The following PRDX3 variants were observed in gnomAD, a reference collection of about 807,000 sequenced individuals.
PRDX3 encodes peroxiredoxin 3, also known as thioredoxin-dependent peroxide reductase, mitochondrial.
Under a neutral mutation model 30.4 loss-of-function variants are expected in PRDX3, and 20 were observed. The observed-to-expected ratio is 0.66, with a 90% CI of 0.46 to 0.96. The LOEUF (loss-of-function observed/expected upper bound fraction) is 0.96. Ranked by LOEUF, PRDX3 falls within the 40% of genes least tolerant of loss-of-function variation. The pLI, the probability that PRDX3 is intolerant of heterozygous loss-of-function variation, is 0.00. For synonymous variants in PRDX3, 124 were observed against 117.8 expected, an observed-to-expected ratio of 1.05 and a Z score of -0.34; for missense variants, 322 against 318.3, an observed-to-expected ratio of 1.01 and a Z score of -0.09.
chr10:119,172,386 G>A lies in PRDX3; in HGVS notation c.547C>T (p.Leu183=). 1 of 1,606,688 alleles carries A rather than the reference G, an allele frequency of 6.2e-7. No homozygotes were observed. Among genetic ancestry groups the A allele is most frequent in the Admixed American group, 1.7e-5 (1 of 60,008 alleles). ...TCATCAGAAACAGGATCTTACCTTA[G>A]TGCAAGACCAGAACCTTCTAACAGC... The part of the protein sequence containing the change: ...GVLLEGSGLA[L]RGLFIIDPNG... Residue 183 remains leucine (L), a synonymous_variant, in exon 5 of 7, where the codon CTA becomes TTA. Transcript: ENST00000298510.
chr10:119,175,339 G>A (rs1848001463), intron 2 of PRDX3, among the ~76,000 whole-genome samples: 1 of 152,206 alleles, frequency 6.6e-6, no homozygotes, highest in South Asian at 2.1e-4. Flanking sequence ...GGCAGGAATG[G>A]TTGAAGGCCA....
Position 119,174,468 on chromosome 10 carries a change from G to A in PRDX3, c.294C>T (p.Phe98=), listed in dbSNP as rs368069475. The part of the protein sequence containing the change: ...DDFKGKYLVL[F]FYPLDFTFVC... Reference sequence around the variant, plus strand: ...ACACTTACAAATCCAAAGGATAGAAGAAAAGCACCAAATATTTCCCCTTAA... The same window carrying A: ...ACACTTACAAATCCAAAGGATAGAAAAAAAGCACCAAATATTTCCCCTTAA... The change falls in exon 3 of 7, where the codon TTC becomes TTT. Residue 98 remains phenylalanine, a synonymous_variant. Coordinates refer to ENST00000298510, the MANE Select transcript of PRDX3 (RefSeq NM_006793.5). 1 of 1,604,240 alleles carries A rather than the reference G, an allele frequency of 6.2e-7. No individual in the cohort carries two copies. The highest frequency in any genetic ancestry group is 8.5e-7 in the Non-Finnish European group (1 of 1,177,496).
intron 2 of PRDX3, 94 bp downstream of exon 2, chr10:119,176,925 ACT>A (rs1485756915): frequency 6.8e-7 from 1 of 1,480,330 alleles, no homozygotes; most frequent in African/African-American, 1.4e-5. Context: ...CTCCCAGGTG[ACT>A]CTAACGTTTG....
intron 3 of PRDX3, 31 bp from the exon 4 acceptor site, chr10:119,173,903 A>T (rs760454718): frequency 6.3e-7 from 1 of 1,583,490 alleles, no homozygotes; most frequent in Admixed American, 1.8e-5. Context: ...TTCTCATTAG[A>T]GCATTTAAAA....
In PRDX3 at chr10:119,168,324, C is replaced by A; in HGVS notation, c.*156G>T. On this transcript the variant is annotated 3_prime_UTR_variant, in exon 7 of 7. Transcript: ENST00000298510. ...ACTAACCATGTTTAAAAGGTCTTAG[C>A]CAGAATTACAAAAACAAAACATTTA... The A allele has an allele frequency of 4.2e-6, 6 of 1,437,952 alleles. No individual in the cohort carries two copies. The highest frequency in any genetic ancestry group is 2.7e-5 in the South Asian group (2 of 73,004). The allele number at this position is 1,437,952 out of a possible 1,614,324, so 89.1% of individuals were successfully genotyped here. A position where few individuals can be genotyped will look rare whatever the true frequency, so the allele number is the denominator to read the frequency against.
Position 119,172,389 on chromosome 10 carries a change from C to A in PRDX3, c.544G>T (p.Ala182Ser), listed in dbSNP as rs773276428. 4 of 1,609,806 alleles carry A rather than the reference C, an allele frequency of 2.5e-6. No individual in the cohort carries two copies. The highest frequency in any genetic ancestry group is 3.3e-5 in the Admixed American group (2 of 60,018). ...YGVLLEGSGLALRGLFIIDPN... is the reference protein window; with the variant it reads ...YGVLLEGSGLSLRGLFIIDPN... ...TCAGAAACAGGATCTTACCTTAGTG[C>A]AAGACCAGAACCTTCTAACAGCACA... The change falls in exon 5 of 7, where the codon GCA (alanine) becomes TCA (serine). Residue 182 changes from alanine (A) to serine (S), a missense_variant. By Grantham distance (99) the Ala-to-Ser change is moderately conservative. Transcript: ENST00000298510.
rs753794339 is a variant in PRDX3 at position 119,169,266 on chromosome 10, C to G, written c.628G>C (p.Glu210Gln). Residue 210 changes from glutamate to glutamine, a missense_variant, in exon 6 of 7, where the codon GAA (glutamate) becomes CAA (glutamine). Coordinates refer to ENST00000298510, the MANE Select transcript of PRDX3 (RefSeq NM_006793.5). ...GCCTTCACCAAGCGGAGGGTTTCTTCCACGCTTCGGCCCACTGGGAGATCG... is the reference window on the plus strand; with the variant it reads ...GCCTTCACCAAGCGGAGGGTTTCTTGCACGCTTCGGCCCACTGGGAGATCG... ...VNDLPVGRSV[E>Q]ETLRLVKAFQ... 4 of 1,613,888 alleles carry G rather than the reference C, an allele frequency of 2.5e-6. No homozygotes were observed. Among genetic ancestry groups the G allele is most frequent in the African/African-American group, 1.3e-5 (1 of 74,906 alleles).
chr10:119,169,315 T>G lies in PRDX3; in HGVS notation c.579A>C (p.Gly193=). 6.2e-7 allele frequency: 1 copy of G among 1,614,010 alleles called. No individual in the cohort carries two copies. Among genetic ancestry groups the G allele is most frequent in the Non-Finnish European group, 8.5e-7 (1 of 1,179,950 alleles). Residue 193 remains glycine (G), a synonymous_variant, in exon 6 of 7, where the codon GGA becomes GGC. Transcript: ENST00000298510. The stretch of plus-strand genomic sequence containing the variant: ...CGTTGACGCTCAAATGCTTGATGAC[T>G]CCATTGGGGTCAATTATGAAGAGAC... ...LRGLFIIDPN[G]VIKHLSVNDL... is the part of the protein sequence containing the mutation.
At position 119,172,373 on chromosome 10, in the gene PRDX3, G is replaced by C. The variant is rs762027087; in HGVS notation, c.551+9C>G. 6.3e-7 allele frequency: 1 copy of C among 1,584,470 alleles called. No homozygotes were observed. Among genetic ancestry groups the C allele is most frequent in the Non-Finnish European group, 8.7e-7 (1 of 1,152,938 alleles). On this transcript the variant is annotated intron_variant, in intron 5 of 6. Coordinates refer to ENST00000298510, the MANE Select transcript of PRDX3 (RefSeq NM_006793.5). ...AATAATCTTAAGTTCATCAGAAACAGGATCTTACCTTAGTGCAAGACCAGA... is the reference window on the plus strand; with the variant it reads ...AATAATCTTAAGTTCATCAGAAACACGATCTTACCTTAGTGCAAGACCAGA...
intron 2 of PRDX3, 46 bp downstream of exon 2, chr10:119,176,975 A>G (rs1157913771): frequency 6.2e-7 from 1 of 1,611,810 alleles, no homozygotes; most frequent in Admixed American, 1.7e-5. Context: ...ACGATGGTTC[A>G]TTTTTCCTTT....
chr10:119,173,694 A>G, intron 4 of PRDX3, 43 bp downstream of exon 4: 1 of 1,592,278 alleles, frequency 6.3e-7, no homozygotes, highest in East Asian at 2.2e-5. Context: ...AGATTCTTCC[A>G]AGCAAGTTTA....
chr10:119,172,734 A>G (rs1179897566), intron 4 of PRDX3, among the ~76,000 whole-genome samples: 1 of 152,176 alleles, frequency 6.6e-6, no homozygotes, highest in Admixed American at 6.5e-5. Context: ...AAGGAGCAGA[A>G]GGAAGATTTA....
At chr10:119,169,012 C>T (rs1847836177) in intron 6 of PRDX3, among the ~76,000 whole-genome samples, 165 bp downstream of exon 6, 2 of 151,952 alleles carry the variant, frequency 1.3e-5, no homozygotes, top group Admixed American at 6.6e-5. Context: ...ATAATTGGTT[C>T]CTGGCTCCCC....
At chr10:119,173,055 C>T (rs943270411) in intron 4 of PRDX3, among the ~76,000 whole-genome samples, 4 of 152,184 alleles carry the variant, frequency 2.6e-5, no homozygotes, top group Non-Finnish European at 5.9e-5. Context: ...TCTCCTGCCT[C>T]AGCCTCCCGA....
At position 119,177,032 on chromosome 10, in the gene PRDX3, A is replaced by G. The variant is rs1176848735; in HGVS notation, c.158T>C (p.Leu53Ser). ...GACATAACACTTACTGGTGCTGAAT[A>G]ATTTTGCTTGACTGGAACCAGAACA... ...LLCSGSSQAKLFSTSSSCHAP... is the reference protein window; with the variant it reads ...LLCSGSSQAKSFSTSSSCHAP... The change falls in exon 2 of 7, where the codon TTA becomes TCA. Residue 53 changes from leucine (L) to serine (S), a missense_variant. Leu to Ser is a moderately radical substitution (Grantham distance 145, BLOSUM62 -2). Transcript: ENST00000298510. 1.2e-6 allele frequency: 2 copies of G among 1,614,086 alleles called. No homozygotes were observed. The highest frequency in any genetic ancestry group is 3.3e-5 in the Admixed American group (2 of 60,020).
intron 1 of PRDX3, among the ~76,000 whole-genome samples, chr10:119,177,881 CTT>C (rs141498625): frequency 2.5e-4 from 34 of 134,718 alleles, no homozygotes; most frequent in South Asian, 9.5e-4. Flanking sequence ...GTTTACTCAA[CTT>C]TTTTTTTTTT....
In PRDX3 at chr10:119,174,531, A is replaced by G. The variant is rs145513398; in HGVS notation, c.231T>C (p.Val77=). 23 of 1,613,046 alleles carry G rather than the reference A, an allele frequency of 1.4e-5. No individual in the cohort carries two copies. The East Asian group carries it at 5.1e-4, about 36-fold the overall frequency. ...QHAPYFKGTA[V]VNGEFKDLSL... is the part of the protein sequence containing the mutation. The stretch of plus-strand genomic sequence containing the variant: ...TTAGGTCTTTGAACTCTCCATTGAC[A>G]ACGGCTGTACCCTTAAAATAGGGTG... Residue 77 remains valine (V), a synonymous_variant, in exon 3 of 7, where the codon GTT becomes GTC. Coordinates refer to ENST00000298510, the MANE Select transcript of PRDX3 (RefSeq NM_006793.5).
intron 3 of PRDX3, 45 bp from the exon 4 acceptor site, chr10:119,173,917 A>T (rs1250438338): frequency 1.3e-6 from 2 of 1,573,194 alleles, no homozygotes; most frequent in Admixed American, 1.8e-5. Context: ...TTTAAAAACA[A>T]GGATTTTAAC....
chr10:119,173,623 A>AC, intron 4 of PRDX3, 114 bp downstream of exon 4: 3 of 1,233,356 alleles, frequency 2.4e-6, no homozygotes, highest in Non-Finnish European at 2.2e-6. Flanking sequence ...AAAAAAAAAA[A>AC]AAAAAAACCC....
Sources: allele counts gnomAD v4.1 joint callset (sites outside exome capture counted in the v4.1 genomes callset), GRCh38; gene constraint gnomAD v4.1.1; transcripts MANE v1.5; gene names NCBI Gene and HGNC (gene_info 2026-07-23, HGNC 2026-07-21).